Variants in FRMD3 observed in about 807,000 individuals in gnomAD.
The protein encoded by FRMD3 is FERM domain-containing protein 3.
FRMD3 carries 33 observed loss-of-function variants against 70.2 expected under a neutral mutation model. That is an observed-to-expected ratio of 0.47 (90% CI 0.36 to 0.63). The LOEUF (loss-of-function observed/expected upper bound fraction) is 0.63. FRMD3 is among the 20% of genes least tolerant of loss of function. The pLI is 0.00. For synonymous variants in FRMD3, 279 were observed against 255.9 expected, an observed-to-expected ratio of 1.09 and a Z score of -0.86; for missense variants, 632 against 711.4, an observed-to-expected ratio of 0.89 and a Z score of 1.27.
At chr9:83,368,920 A>G (rs923103564) in intron 3 of FRMD3, among the ~76,000 whole-genome samples, 4 of 151,400 alleles carry the variant, frequency 2.6e-5, no homozygotes, top group African/African-American at 9.7e-5. Flanking sequence ...AGTGGCACCA[A>G]CTCGGCTCAC....
At chr9:83,563,451 A>G in the FRMD3 span, among the ~76,000 whole-genome samples, 2 of 152,174 alleles carry the variant, frequency 1.3e-5, no homozygotes, top group South Asian at 4.1e-4. Flanking sequence ...CTGGGCTCCA[A>G]TGATAAATGA....
At chr9:83,332,403 C>T (rs970061410) in intron 6 of FRMD3, among the ~76,000 whole-genome samples, 2 of 152,066 alleles carry the variant, frequency 1.3e-5, no homozygotes, top group East Asian at 1.9e-4. Context: ...TCTCTCCCCC[C>T]ACCATCCCCC....
intron 1 of FRMD3, among the ~76,000 whole-genome samples, chr9:83,445,191 C>G (rs906424933): frequency 1.1e-4 from 17 of 152,138 alleles, no homozygotes; most frequent in African/African-American, 4.1e-4. Flanking sequence ...GCCTAGCCAA[C>G]ATGGTGAAAC....
chr9:83,318,409 T>G (rs1835664400), intron 6 of FRMD3, among the ~76,000 whole-genome samples: 1 of 152,202 alleles, frequency 6.6e-6, no homozygotes, highest in African/African-American at 2.4e-5. Flanking sequence ...TCTATCCATG[T>G]TACTGCAAAA....
chr9:83,523,206 G>A (rs1281734618), intron 1 of FRMD3, among the ~76,000 whole-genome samples: 3 of 142,688 alleles, frequency 2.1e-5, no homozygotes, highest in African/African-American at 9.1e-5. Flanking sequence ...ACGGACGGAC[G>A]GATGGATAGA....
chr9:83,384,223 G>A (rs977913120), intron 2 of FRMD3, among the ~76,000 whole-genome samples: 2 of 152,148 alleles, frequency 1.3e-5, no homozygotes, highest in African/African-American at 4.8e-5. Flanking sequence ...ACAAATTTGT[G>A]ATCAGTGACT....
At chr9:83,357,584 C>T (rs1824443339) in intron 3 of FRMD3, among the ~76,000 whole-genome samples, 2 of 151,784 alleles carry the variant, frequency 1.3e-5, no homozygotes, top group South Asian at 2.1e-4. Context: ...CCTATGCCAA[C>T]ATTTATTATT....
intron 8 of FRMD3, 59 bp downstream of exon 8, chr9:83,311,828 G>C: frequency 4.2e-6 from 5 of 1,189,234 alleles, no homozygotes; most frequent in Non-Finnish European, 6.2e-6. Flanking sequence ...AGCCAAGGAG[G>C]GGACGGAGGA....
intron 1 of FRMD3, among the ~76,000 whole-genome samples, chr9:83,478,553 A>G (rs1484139661): frequency 6.6e-6 from 1 of 152,164 alleles, no homozygotes; most frequent in Non-Finnish European, 1.5e-5. Context: ...GCTGATGGGA[A>G]TGTAAAATGG....
At chr9:83,288,061 A>G (rs1392246455) in intron 13 of FRMD3, among the ~76,000 whole-genome samples, 2 of 152,262 alleles carry the variant, frequency 1.3e-5, no homozygotes, top group African/African-American at 4.8e-5. Context: ...AAAAGAAATG[A>G]AACATTAAAA....
chr9:83,448,198 A>C (rs1256660080), intron 1 of FRMD3, among the ~76,000 whole-genome samples: 1 of 152,060 alleles, frequency 6.6e-6, no homozygotes, highest in Non-Finnish European at 1.5e-5. Context: ...TCTTAAATAC[A>C]CTTCTCTAAG....
chr9:83,367,617 GA>G (rs1824831525), intron 3 of FRMD3, among the ~76,000 whole-genome samples: 1 of 152,218 alleles, frequency 6.6e-6, no homozygotes, highest in Non-Finnish European at 1.5e-5. Flanking sequence ...GAATACTCCA[GA>G]AGATATTCCT....
At chr9:83,273,462 T>C (rs1833682171) in intron 13 of FRMD3, among the ~76,000 whole-genome samples, 2 of 151,884 alleles carry the variant, frequency 1.3e-5, no homozygotes, top group African/African-American at 2.4e-5. Flanking sequence ...CAGCACTCCC[T>C]AATCTCAAGT....
intron 13 of FRMD3, among the ~76,000 whole-genome samples, chr9:83,260,823 T>C (rs781456744): frequency 2.0e-5 from 3 of 152,152 alleles, no homozygotes; most frequent in Non-Finnish European, 4.4e-5. Flanking sequence ...AGTATACCAT[T>C]AACCTCACAT....
At chr9:83,366,664 C>T (rs1824796738) in intron 3 of FRMD3, among the ~76,000 whole-genome samples, 1 of 152,180 alleles carries the variant, frequency 6.6e-6, no homozygotes, top group Admixed American at 6.5e-5. Context: ...AGAAGAAAAT[C>T]ACAAGCAAGT....
chr9:83,535,622 T>C (rs1449386742), intron 1 of FRMD3, among the ~76,000 whole-genome samples: 1 of 152,154 alleles, frequency 6.6e-6, no homozygotes, highest in Non-Finnish European at 1.5e-5. Context: ...TTTGTGATTT[T>C]TTTTTTTTTA....
the FRMD3 span, among the ~76,000 whole-genome samples, chr9:83,549,737 CA>C: frequency 6.6e-6 from 1 of 152,074 alleles, no homozygotes; most frequent in Non-Finnish European, 1.5e-5. Flanking sequence ...TTGTTGGCCA[CA>C]TATATGTCTT....
chr9:83,388,703 G>A (rs1166830808), intron 2 of FRMD3, among the ~76,000 whole-genome samples: 4 of 152,150 alleles, frequency 2.6e-5, no homozygotes, highest in African/African-American at 9.7e-5. Context: ...GAATAAAACA[G>A]GGGCTTTCAA....
intron 1 of FRMD3, among the ~76,000 whole-genome samples, chr9:83,424,222 G>C (rs564294805): frequency 3.5e-4 from 54 of 152,258 alleles, no homozygotes; most frequent in Middle Eastern, 6.8e-3. Context: ...GAGCTGAATG[G>C]TAAACATGTC....
Sources: gnomAD v4.1 joint callset for allele counts (sites outside exome capture counted in the v4.1 genomes callset) on GRCh38, gnomAD v4.1.1 for gene constraint, MANE v1.5 for transcripts, NCBI Gene and HGNC (gene_info 2026-07-23, HGNC 2026-07-21) for gene names.